ZNF616: variants seen among roughly 807,000 people sequenced by gnomAD.
ZNF616 encodes zinc finger protein 616.
In ZNF616, 5 loss-of-function variants were observed where a neutral mutation model predicts 7.6. That is an observed-to-expected ratio of 0.66 (90% CI 0.34 to 1.38). The LOEUF (loss-of-function observed/expected upper bound fraction) is 1.38. Ranked by LOEUF, ZNF616 falls within the 40% of genes most tolerant of loss-of-function variation. The pLI is 0.04. For missense variants in ZNF616, 913 were observed against 948.3 expected, an observed-to-expected ratio of 0.96 and a Z score of 0.49; for synonymous variants, 319 against 317.2, an observed-to-expected ratio of 1.01 and a Z score of -0.06.
At chr19:52,125,359 G>A (rs1330497459) in intron 2 of ZNF616, among the ~76,000 whole-genome samples, 4 of 152,174 alleles carry the variant, frequency 2.6e-5, no homozygotes, top group African/African-American at 7.2e-5. Flanking sequence ...AACATCCAAC[G>A]GTGGCGTAGA....
intron 2 of ZNF616, among the ~76,000 whole-genome samples, chr19:52,125,665 G>T (rs2088899854): frequency 6.6e-6 from 1 of 152,098 alleles, no homozygotes. Context: ...TGGGGTCTCA[G>T]GCGTGGTCCT....
chr19:52,132,383 G>A (rs576901398), intron 1 of ZNF616, among the ~76,000 whole-genome samples: 1 of 152,242 alleles, frequency 6.6e-6, no homozygotes, highest in African/African-American at 2.4e-5. Flanking sequence ...AGGCCTGCAG[G>A]GGACATGGAG....
At chr19:52,132,855 AGAT>A (rs2088972557) in intron 1 of ZNF616, among the ~76,000 whole-genome samples, 2 of 152,182 alleles carry the variant, frequency 1.3e-5, no homozygotes, top group Admixed American at 6.5e-5. Flanking sequence ...CCATGAGATG[AGAT>A]GATGAGGAAA....
At position 52,130,520 on chromosome 19, in the gene ZNF616, T is replaced by A; in HGVS notation, c.-8A>T. 6.2e-7 allele frequency: 1 copy of A among 1,608,838 alleles called. No individual in the cohort carries two copies. Among genetic ancestry groups the A allele is most frequent in the South Asian group, 1.1e-5 (1 of 90,656 alleles). ...CTCTACCTGAGTAGCCATCACTGAC[T>A]CCTTTTCCTTCCTCTTCTTCCTCTT... is the stretch of plus-strand genomic sequence containing the variant. On this transcript the variant is annotated 5_prime_UTR_variant, in exon 2 of 4. Coordinates refer to ENST00000600228, the MANE Select transcript of ZNF616 (RefSeq NM_178523.5).
At chr19:52,130,156 T>C (rs569114409) in intron 2 of ZNF616, among the ~76,000 whole-genome samples, 24 of 152,306 alleles carry the variant, frequency 1.6e-4, no homozygotes, top group Middle Eastern at 3.4e-3. Flanking sequence ...TACAGAAAGC[T>C]GACAGTGCAT....
Position 52,116,672 on chromosome 19 carries a change from A to C in ZNF616, c.492T>G (p.Asn164Lys), listed in dbSNP as rs762285705. ...VQTEGRLYECNETEKTGNNGC... is the reference protein window; with the variant it reads ...VQTEGRLYECKETEKTGNNGC... ...CATTATTACCTGTCTTCTCCGTTTC[A>C]TTACATTCATAAAGTCTCCCTTCAG... Residue 164 changes from asparagine to lysine, a missense_variant, in exon 4 of 4, where the codon AAT becomes AAG. Transcript: ENST00000600228. 3 of 1,614,138 alleles carry C rather than the reference A, an allele frequency of 1.9e-6. No homozygotes were observed. In the Admixed American group the frequency reaches 5.0e-5, roughly 27 times the overall value.
At chr19:52,125,030 C>T (rs578012246) in intron 2 of ZNF616, among the ~76,000 whole-genome samples, 1 of 152,250 alleles carries the variant, frequency 6.6e-6, no homozygotes, top group South Asian at 2.1e-4. Flanking sequence ...CTACTAAAAC[C>T]CAAACCTCAT....
chr19:52,121,976 T>A (rs2122151209), intron 3 of ZNF616, among the ~76,000 whole-genome samples: 1 of 152,120 alleles, frequency 6.6e-6, no homozygotes, highest in South Asian at 2.1e-4. Flanking sequence ...AGTTGAGAAG[T>A]CCTTGAAGTG....
In ZNF616 at chr19:52,115,619, A is replaced by G. The variant is rs80137225; in HGVS notation, c.1545T>C (p.His515=). ...HSRLAVHRRI[H]TGEKPYKCKE... Reference sequence around the variant, plus strand: ...TGCATTTGTAAGGTTTCTCTCCAGTATGAATTCTCCGATGCACTGCAAGAC... The same window carrying G: ...TGCATTTGTAAGGTTTCTCTCCAGTGTGAATTCTCCGATGCACTGCAAGAC... Residue 515 remains histidine (H), a synonymous_variant, in exon 4 of 4, where the codon CAT becomes CAC. Coordinates refer to ENST00000600228, the MANE Select transcript of ZNF616 (RefSeq NM_178523.5). The G allele has an allele frequency of 3.3e-3, 5,382 of 1,613,844 alleles. 140 individuals are homozygous for G. In the East Asian group the frequency reaches 0.058, roughly 17 times the overall value.
intron 1 of ZNF616, among the ~76,000 whole-genome samples, chr19:52,136,057 G>C (rs2089003916): frequency 6.7e-6 from 1 of 148,202 alleles, no homozygotes; most frequent in African/African-American, 2.5e-5. Context: ...TAGAACCCAG[G>C]AGGCAGATGT....
chr19:52,115,041 T>C lies in ZNF616; in HGVS notation c.2123A>G (p.Gln708Arg), dbSNP rs2088805522. 6.2e-7 allele frequency: 1 copy of C among 1,613,986 alleles called. No homozygotes were observed. Among genetic ancestry groups the C allele is most frequent in the Non-Finnish European group, 8.5e-7 (1 of 1,179,990 alleles). Residue 708 changes from glutamine to arginine, a missense_variant, in exon 4 of 4, where the codon CAG (glutamine) becomes CGG (arginine). Coordinates refer to ENST00000600228, the MANE Select transcript of ZNF616 (RefSeq NM_178523.5). ...FRHSSHLVSH[Q>R]RIHTGEKRYK... The stretch of plus-strand genomic sequence containing the variant: ...TCTTTTCTCTCCAGTGTGGATTCTC[T>C]GGTGACTTACAAGATGTGAACTATG...
At chr19:52,123,743 C>T (rs1324941647) in intron 3 of ZNF616, among the ~76,000 whole-genome samples, 180 bp downstream of exon 3, 2 of 152,200 alleles carry the variant, frequency 1.3e-5, no homozygotes, top group Non-Finnish European at 1.5e-5. Context: ...ACAAAGAAGG[C>T]AGCAGAATAT....
chr19:52,130,468 A>G lies in ZNF616; in HGVS notation c.12+33T>C, dbSNP rs752484481. 3 of 1,570,498 alleles carry G rather than the reference A, an allele frequency of 1.9e-6. No individual in the cohort carries two copies. The South Asian group carries it at 3.3e-5, about 17-fold the overall frequency. On this transcript the variant is annotated intron_variant, in intron 2 of 3. Coordinates refer to ENST00000600228, the MANE Select transcript of ZNF616 (RefSeq NM_178523.5). ...AAGGAGACAGAATGACCCACCAAGA[A>G]TATCACTTCACTTGAGTAAAGTATC...
chr19:52,125,628 G>C (rs905888762), intron 2 of ZNF616, among the ~76,000 whole-genome samples: 2 of 152,128 alleles, frequency 1.3e-5, no homozygotes, highest in African/African-American at 4.8e-5. Context: ...CCCGAGCTGG[G>C]ATCACATACT....
intron 1 of ZNF616, among the ~76,000 whole-genome samples, chr19:52,133,571 T>C (rs1600128880): frequency 6.6e-6 from 1 of 151,900 alleles, no homozygotes; most frequent in Admixed American, 6.6e-5. Context: ...TAGGCTGGAG[T>C]GCAATGGCAC....
intron 1 of ZNF616, among the ~76,000 whole-genome samples, chr19:52,134,906 T>C (rs1317521727): frequency 6.6e-6 from 1 of 152,092 alleles, no homozygotes; most frequent in African/African-American, 2.4e-5. Flanking sequence ...CCTGTGATTG[T>C]TGCAGCAGAC....
At chr19:52,123,292 GC>G (rs1446022072) in intron 3 of ZNF616, among the ~76,000 whole-genome samples, 6 of 152,078 alleles carry the variant, frequency 3.9e-5, no homozygotes, top group Non-Finnish European at 5.9e-5. Context: ...ATAAGCTTTG[GC>G]CGGGCGTGGT....
In ZNF616 at chr19:52,116,870, T is replaced by G; in HGVS notation, c.294A>C (p.Glu98Asp). Reference protein sequence around the residue: ...REIQKHLHDLEFQWKDGETND... With the variant: ...REIQKHLHDLDFQWKDGETND... ...TTGTTTCACCATCTTTCCATTGAAA[T>G]TCAAGGTCATGTAGATGTTTCTGTA... The change falls in exon 4 of 4, where the codon GAA (glutamate) becomes GAC (aspartate). Residue 98 changes from glutamate (E) to aspartate (D), a missense_variant. Glu to Asp is a conservative substitution (Grantham distance 45, BLOSUM62 2). Transcript: ENST00000600228. 6.2e-7 allele frequency: 1 copy of G among 1,613,914 alleles called. No homozygotes were observed. The highest frequency in any genetic ancestry group is 2.2e-5 in the East Asian group (1 of 44,872).
At chr19:52,124,152 C>T (rs1600124472) in intron 2 of ZNF616, 103 bp from the exon 3 acceptor site, 2 of 1,436,862 alleles carry the variant, frequency 1.4e-6, no homozygotes, top group East Asian at 4.6e-5. Context: ...TGTGTTTTGA[C>T]ATATCTATAT....
Sources: gnomAD v4.1 joint callset for allele counts (sites outside exome capture counted in the v4.1 genomes callset) on GRCh38, gnomAD v4.1.1 for gene constraint, MANE v1.5 for transcripts, NCBI Gene and HGNC (gene_info 2026-07-23, HGNC 2026-07-21) for gene names.